FGF14: variants seen among roughly 807,000 people sequenced by gnomAD.
FGF14 encodes fibroblast growth factor homologous factor 4.
In FGF14, 5 loss-of-function variants were observed where a neutral mutation model predicts 25.5. The observed-to-expected ratio is 0.20, with a 90% confidence interval of 0.10 to 0.41. The LOEUF (loss-of-function observed/expected upper bound fraction) is 0.41. Among genes scored for constraint, FGF14 ranks in the 10% least tolerant of loss-of-function variants. The pLI, the probability that FGF14 is intolerant of heterozygous loss-of-function variation, is 1.00. For missense variants in FGF14, 222 were observed against 320.1 expected (o/e 0.69, Z 2.34); for synonymous variants, 138 against 118.3 (o/e 1.17, Z -1.08).
intron 1 of FGF14, among the ~76,000 whole-genome samples, chr13:102,276,380 T>TACAC (rs1555392163): frequency 7.1e-4 from 93 of 131,448 alleles, no homozygotes; most frequent in African/African-American, 2.5e-3. Context: ...TATATATATA[T>TACAC]ACACATTATT....
chr13:102,068,406 T>C (rs1162562390), intron 1 of FGF14, among the ~76,000 whole-genome samples: 1 of 152,192 alleles, frequency 6.6e-6, no homozygotes, highest in African/African-American at 2.4e-5. Flanking sequence ...ACCGCTGCAC[T>C]GTGGGAGCCC....
At chr13:101,834,168 G>A (rs1285545261) in intron 3 of FGF14, among the ~76,000 whole-genome samples, 1 of 152,044 alleles carries the variant, frequency 6.6e-6, no homozygotes, top group Admixed American at 6.6e-5. Context: ...ACTTTAGGTA[G>A]TACATCTTTA....
intron 3 of FGF14, among the ~76,000 whole-genome samples, chr13:101,768,366 C>CT (rs143595623): frequency 0.011 from 1,697 of 152,212 alleles, 34 homozygotes; most frequent in African/African-American, 0.038. Flanking sequence ...GGTAGGAAGA[C>CT]TCAATATTGT....
chr13:102,304,581 C>A (rs1640690453), intron 1 of FGF14, among the ~76,000 whole-genome samples: 1 of 152,172 alleles, frequency 6.6e-6, no homozygotes, highest in Non-Finnish European at 1.5e-5. Context: ...TCACATTCTT[C>A]TATGGGCCCC....
chr13:101,973,662 G>C (rs6491654), intron 1 of FGF14, among the ~76,000 whole-genome samples: 2,293 of 152,276 alleles, frequency 0.015, 59 homozygotes, highest in African/African-American at 0.052. Flanking sequence ...GGCTAGGCCA[G>C]TCTCTCTTTT....
intron 1 of FGF14, among the ~76,000 whole-genome samples, chr13:102,336,100 G>A (rs937153909): frequency 2.0e-5 from 3 of 152,132 alleles, no homozygotes; most frequent in Non-Finnish European, 4.4e-5. Context: ...AAGAAGAGCT[G>A]CATGTCTCTC....
chr13:102,390,961 A>G (rs1307998593), intron 1 of FGF14, among the ~76,000 whole-genome samples: 2 of 152,226 alleles, frequency 1.3e-5, no homozygotes, highest in Non-Finnish European at 2.9e-5. Context: ...GTACAGAAAG[A>G]AAAAACTTAA....
intron 1 of FGF14, among the ~76,000 whole-genome samples, chr13:102,114,831 G>C (rs369809636): frequency 3.9e-4 from 60 of 152,208 alleles, no homozygotes; most frequent in African/African-American, 1.2e-3. Context: ...CTGAGGGAAG[G>C]GGGAGAGGAG....
chr13:102,066,473 G>A (rs1448573888), intron 1 of FGF14, among the ~76,000 whole-genome samples: 2 of 152,236 alleles, frequency 1.3e-5, no homozygotes, highest in Non-Finnish European at 2.9e-5. Context: ...ACAATTAAAA[G>A]TAAGGACATT....
intron 1 of FGF14, among the ~76,000 whole-genome samples, chr13:102,299,193 C>T (rs9300732): frequency 0.15 from 22,300 of 151,958 alleles, 1,786 homozygotes; most frequent in East Asian, 0.38. Context: ...TGAAATTCAA[C>T]GGTTATTTAC....
intron 1 of FGF14, among the ~76,000 whole-genome samples, chr13:102,087,289 C>A (rs2043950736): frequency 6.6e-6 from 1 of 151,630 alleles, no homozygotes; most frequent in African/African-American, 2.4e-5. Context: ...AGTGAAGCAT[C>A]AGGGAAGGAA....
intron 3 of FGF14, among the ~76,000 whole-genome samples, chr13:101,829,686 A>G (rs1263276427): frequency 6.6e-6 from 1 of 152,118 alleles, no homozygotes; most frequent in South Asian, 2.1e-4. Context: ...CAGAGTTGGA[A>G]GAATTTCAGA....
intron 3 of FGF14, among the ~76,000 whole-genome samples, chr13:101,860,658 C>A (rs918709499): frequency 7.2e-5 from 11 of 152,060 alleles, no homozygotes; most frequent in Admixed American, 5.9e-4. Context: ...CTCACTGCAG[C>A]CTGGAACTCC....
At chr13:102,234,893 T>C (rs2051260383) in intron 1 of FGF14, among the ~76,000 whole-genome samples, 1 of 152,132 alleles carries the variant, frequency 6.6e-6, no homozygotes, top group Non-Finnish European at 1.5e-5. Flanking sequence ...TATGGATGAG[T>C]GATACTTTAA....
intron 1 of FGF14, among the ~76,000 whole-genome samples, chr13:102,074,402 T>C (rs1338087605): frequency 1.3e-5 from 2 of 152,178 alleles, no homozygotes; most frequent in African/African-American, 2.4e-5. Context: ...CTGGCGAGCA[T>C]TCTTCTGAAC....
intron 1 of FGF14, among the ~76,000 whole-genome samples, chr13:102,261,286 GT>G (rs1296002261): frequency 6.6e-6 from 1 of 152,192 alleles, no homozygotes; most frequent in Non-Finnish European, 1.5e-5. Flanking sequence ...CTTCTTGGCT[GT>G]TACAATAAGT....
rs558756912 is a variant in FGF14, at chr13:102,230,309, T to G, written c.208+171162A>C. Reference sequence around the variant, plus strand: ...TTTATAAACCACTGAGTTTATGATATTTCTTTATAGCTGCCTGAAAGAACA... The same window carrying G: ...TTTATAAACCACTGAGTTTATGATAGTTCTTTATAGCTGCCTGAAAGAACA... On this transcript the variant is annotated intron_variant, in intron 1 of 4. Coordinates refer to the FGF14 transcript ENST00000376131. Among the ~76,000 whole-genome samples the G allele has an allele frequency of 2.2e-4, 33 of 152,318 alleles. No homozygotes were observed. The South Asian group carries it at 6.8e-3, about 32-fold the overall frequency.
intron 1 of FGF14, among the ~76,000 whole-genome samples, chr13:101,985,401 T>G: frequency 6.6e-6 from 1 of 152,112 alleles, no homozygotes; most frequent in East Asian, 1.9e-4. Flanking sequence ...CTACTAAAAA[T>G]AAAAAAACAT....
At chr13:101,989,614 T>C (rs1215270116) in intron 1 of FGF14, among the ~76,000 whole-genome samples, 1 of 152,146 alleles carries the variant, frequency 6.6e-6, no homozygotes, top group Non-Finnish European at 1.5e-5. Flanking sequence ...GCATATATGT[T>C]TTTGTATATG....
Sources: allele counts gnomAD v4.1 joint callset (sites outside exome capture counted in the v4.1 genomes callset), GRCh38; gene constraint gnomAD v4.1.1; transcripts MANE v1.5; gene names NCBI Gene and HGNC (gene_info 2026-07-23, HGNC 2026-07-21).